COL17A1: variants seen among roughly 807,000 people sequenced by gnomAD.
COL17A1 encodes the protein collagen type XVII alpha 1 chain.
COL17A1 carries 181 observed loss-of-function variants against 218.4 expected under a neutral mutation model. The ratio of observed to expected loss-of-function variants is 0.83; its 90% CI spans 0.73 to 0.94. The LOEUF (loss-of-function observed/expected upper bound fraction) is 0.94. Among genes scored for constraint, COL17A1 ranks in the 40% least tolerant of loss-of-function variants. COL17A1 has a pLI of 0.00. For synonymous variants in COL17A1, 721 were observed against 731.0 expected, an observed-to-expected ratio of 0.99 and a Z score of 0.22; for missense variants, 1,924 against 1,945.9, an observed-to-expected ratio of 0.99 and a Z score of 0.21.
At chr10:104,049,355 G>T in intron 29 of COL17A1, 54 bp downstream of exon 29, 1 of 1,536,768 alleles carries the variant, frequency 6.5e-7, no homozygotes, top group Non-Finnish European at 9.0e-7. Context: ...CTCCAGGGTC[G>T]TGGTGACCCC....
chr10:104,031,408 C>A lies in COL17A1; in HGVS notation c.*827G>T, dbSNP rs910095595. The stretch of plus-strand genomic sequence containing the variant: ...GTTAAAGACCAACTGCGCCCAGTCC[C>A]CCAAGTGCCATTTTCTGAGTGCAGA... On this transcript the variant is annotated 3_prime_UTR_variant, in exon 56 of 56. Transcript: ENST00000648076. 2.6e-5 allele frequency: 4 copies of A among 152,578 alleles called. No individual in the cohort carries two copies. The highest frequency in any genetic ancestry group is 4.4e-5 in the Non-Finnish European group (3 of 68,042). The allele number at this position is 152,578 out of a possible 1,614,324, so 9.5% of individuals were successfully genotyped here.
chr10:104,037,569 G>A (rs1036565412), intron 46 of COL17A1, 67 bp downstream of exon 46: 2 of 1,588,846 alleles, frequency 1.3e-6, no homozygotes, highest in East Asian at 2.2e-5. Flanking sequence ...GAGGAGATGA[G>A]GCTCTGGGAG....
chr10:104,039,346 T>C, intron 43 of COL17A1, 99 bp downstream of exon 43: 2 of 1,353,334 alleles, frequency 1.5e-6, no homozygotes, highest in African/African-American at 1.4e-5. Flanking sequence ...CCCAAGACTT[T>C]ACACTGATGA....
At chr10:104,038,689 C>G (rs1167190751) in intron 44 of COL17A1, among the ~76,000 whole-genome samples, 161 bp from the exon 45 acceptor site, 3 of 152,032 alleles carry the variant, frequency 2.0e-5, no homozygotes, top group Non-Finnish European at 4.4e-5. Context: ...GAAAGGACAG[C>G]CTGTAACAGC....
Position 104,080,693 on chromosome 10 carries a change from A to G in COL17A1, c.-11-9T>C, listed in dbSNP as rs1564688326. The stretch of plus-strand genomic sequence containing the variant: ...ATCCATACCATAGCCACCTGCAGGA[A>G]AAATCAGAAACCATGATAGTCATAC... On this transcript the variant is annotated splice_polypyrimidine_tract_variant and intron_variant, in intron 1 of 55. Coordinates refer to ENST00000648076, the MANE Select transcript of COL17A1 (RefSeq NM_000494.4). 4 of 1,612,958 alleles carry G rather than the reference A, an allele frequency of 2.5e-6. No homozygotes were observed. Among genetic ancestry groups the G allele is most frequent in the Non-Finnish European group, 3.4e-6 (4 of 1,179,962 alleles).
In COL17A1 at chr10:104,031,877, T is replaced by A. The variant is rs150620736; in HGVS notation, c.*358A>T. 11 of 332,790 alleles carry A rather than the reference T, an allele frequency of 3.3e-5. No individual in the cohort carries two copies. The East Asian group carries it at 7.0e-4, about 21-fold the overall frequency. The allele number at this position is 332,790 out of a possible 1,614,324, so 20.6% of individuals were successfully genotyped here. On this transcript the variant is annotated 3_prime_UTR_variant, in exon 56 of 56. Coordinates refer to ENST00000648076, the MANE Select transcript of COL17A1 (RefSeq NM_000494.4). ...ATCCTCCGTTTTCTGGGCTCATATT[T>A]AGGTAAAGCTCTAAGACTCCTGAGC...
chr10:104,042,294 G>T lies in COL17A1; in HGVS notation c.2551+126C>A, dbSNP rs978095004. ...TGCAAGACCCCGGTGAAGAGCCCTG[G>T]CCCTGTCCTCCTTTTCCAAAACACA... On this transcript the variant is annotated intron_variant, in intron 36 of 55. Coordinates refer to ENST00000648076, the MANE Select transcript of COL17A1 (RefSeq NM_000494.4). 21 of 982,238 alleles carry T rather than the reference G, an allele frequency of 2.1e-5. No homozygotes were observed. The African/African-American group carries it at 3.1e-4, about 14-fold the overall frequency. The allele number at this position is 982,238 out of a possible 1,614,324, so 60.8% of individuals were successfully genotyped here.
At chr10:104,067,672 G>A (rs1473428318) in intron 9 of COL17A1, among the ~76,000 whole-genome samples, 1 of 152,132 alleles carries the variant, frequency 6.6e-6, no homozygotes, top group Non-Finnish European at 1.5e-5. Context: ...CTGCAGGTGT[G>A]GGGGCGGCAG....
intron 22 of COL17A1, 135 bp from the exon 23 acceptor site, chr10:104,053,270 T>C (rs540621571): frequency 1.6e-4 from 154 of 944,182 alleles, no homozygotes; most frequent in Middle Eastern, 2.7e-4. Flanking sequence ...CTGGACCCCA[T>C]AGCCTTGGCT....
intron 11 of COL17A1, among the ~76,000 whole-genome samples, chr10:104,063,111 G>A (rs2134632879): frequency 6.6e-6 from 1 of 152,236 alleles, no homozygotes; most frequent in South Asian, 2.1e-4. Context: ...CTCTATATCA[G>A]TCAAGTAAAT....
chr10:104,070,062 A>T (rs142600405), intron 9 of COL17A1, among the ~76,000 whole-genome samples: 8 of 152,296 alleles, frequency 5.3e-5, no homozygotes, highest in African/African-American at 1.7e-4. Flanking sequence ...ATCCTAACAC[A>T]CAAAAGAAGA....
rs1174302196 is a variant in COL17A1, at chr10:104,060,299, G to T, written c.980-19C>A. 1 of 1,613,706 alleles carries T rather than the reference G, an allele frequency of 6.2e-7. No homozygotes were observed. Among genetic ancestry groups the T allele is most frequent in the East Asian group, 2.2e-5 (1 of 44,886 alleles). On this transcript the variant is annotated intron_variant, in intron 13 of 55. Transcript: ENST00000648076. The stretch of plus-strand genomic sequence containing the variant: ...GTGCAGGCTGGGGAGAAAGAAAATG[G>T]GTAAGAAGGAAGGACATGTGCCAGG...
intron 53 of COL17A1, 107 bp from the exon 54 acceptor site, chr10:104,033,075 C>A: frequency 6.6e-7 from 1 of 1,521,166 alleles, no homozygotes; most frequent in East Asian, 2.4e-5. Context: ...GGAGTTTGGA[C>A]GTGTAAGAGG....
At chr10:104,061,562 G>A (rs935197774) in intron 12 of COL17A1, 89 bp from the exon 13 acceptor site, 8 of 1,075,788 alleles carry the variant, frequency 7.4e-6, no homozygotes, top group Middle Eastern at 2.6e-4. Context: ...AGGTACCCCC[G>A]ACCCTCTCCA....
At chr10:104,062,872 C>T (rs532739645) in intron 11 of COL17A1, among the ~76,000 whole-genome samples, 3 of 152,314 alleles carry the variant, frequency 2.0e-5, no homozygotes, top group African/African-American at 4.8e-5. Context: ...TTTTCAACAA[C>T]GTGCAGAAGC....
At chr10:104,060,064 C>A in intron 14 of COL17A1, 55 bp downstream of exon 14, 2 of 1,611,576 alleles carry the variant, frequency 1.2e-6, no homozygotes, top group South Asian at 2.2e-5. Flanking sequence ...GACATTTGGT[C>A]TCCTACACTA....
rs761493010 is a variant in COL17A1 at position 104,034,773 on chromosome 10, C to T, written c.3620-6G>A. ...GATGAATGACAAGCCGGCAGCTGGG[C>T]AGAAGGAAGAGAAAGAAAGGTCGGG... On this transcript the variant is annotated splice_region_variant and splice_polypyrimidine_tract_variant and intron_variant, in intron 50 of 55. Transcript: ENST00000648076. The T allele has an allele frequency of 6.2e-7, 1 of 1,611,752 alleles. No homozygotes were observed. The highest frequency in any genetic ancestry group is 1.1e-5 in the South Asian group (1 of 90,412).
At chr10:104,081,182 G>A (rs2086761813) in intron 1 of COL17A1, among the ~76,000 whole-genome samples, 1 of 152,094 alleles carries the variant, frequency 6.6e-6, no homozygotes, top group African/African-American at 2.4e-5. Context: ...GGCACTTGAT[G>A]GATTTAAATC....
Position 104,039,736 on chromosome 10 carries a change from G to A in COL17A1, c.2789-96C>T. The A allele has an allele frequency of 1.9e-6, 3 of 1,563,800 alleles. No individual in the cohort carries two copies. The South Asian group carries it at 3.4e-5, about 18-fold the overall frequency. The stretch of plus-strand genomic sequence containing the variant: ...CCCAAGATCCATGATTGCTGGGGCT[G>A]CGTTGCCCTTTGGGCAGTACCTAGA... On this transcript the variant is annotated intron_variant, in intron 41 of 55. Transcript: ENST00000648076.
Sources: allele counts gnomAD v4.1 joint callset (sites outside exome capture counted in the v4.1 genomes callset), GRCh38; gene constraint gnomAD v4.1.1; transcripts MANE v1.5; gene names NCBI Gene and HGNC (gene_info 2026-07-23, HGNC 2026-07-21).